Variants in RASL12 observed in about 807,000 individuals in gnomAD.
The protein encoded by RASL12 is ras-like protein family member 12.
Under a neutral mutation model 22.9 loss-of-function variants are expected in RASL12, and 16 were observed. The observed-to-expected ratio is 0.70, with a 90% CI of 0.47 to 1.06. The LOEUF is 1.06. RASL12 is among the 50% of genes least tolerant of loss of function. The pLI, the probability that RASL12 is intolerant of heterozygous loss-of-function variation, is 0.00. For missense variants in RASL12, 306 were observed against 353.1 expected (o/e 0.87, Z 1.07); for synonymous variants, 159 against 152.2 (o/e 1.04, Z -0.33).
intron 1 of RASL12, among the ~76,000 whole-genome samples, chr15:65,074,552 G>A (rs138522771): frequency 5.3e-5 from 8 of 152,098 alleles, no homozygotes; most frequent in African/African-American, 7.2e-5. Context: ...GTGCCACCAC[G>A]CCCGGCTAAT....
chr15:65,047,239 G>C, the RASL12 span, among the ~76,000 whole-genome samples: 1 of 151,754 alleles, frequency 6.6e-6, no homozygotes, highest in Non-Finnish European at 1.5e-5. Flanking sequence ...AGGAGGCTGA[G>C]GCAAGAGAAT....
the RASL12 span, among the ~76,000 whole-genome samples, chr15:65,047,814 TAGATA>T: frequency 6.6e-6 from 1 of 151,920 alleles, no homozygotes; most frequent in Admixed American, 6.6e-5. Flanking sequence ...GATAGATAGA[TAGATA>T]GATAGATAGA....
chr15:65,058,210 AGT>A (rs1303993434), intron 4 of RASL12, among the ~76,000 whole-genome samples: 1 of 152,198 alleles, frequency 6.6e-6, no homozygotes, highest in African/African-American at 2.4e-5. Context: ...TGGAGGTTGC[AGT>A]GAGCCGAGAT....
chr15:65,065,155 G>A (rs910391980), intron 2 of RASL12, 62 bp downstream of exon 2: 5 of 1,538,968 alleles, frequency 3.2e-6, no homozygotes, highest in East Asian at 4.5e-5. Context: ...CACGGGGTGG[G>A]TCCCAGGAGA....
At chr15:65,055,833 C>A (rs1324027976) in intron 4 of RASL12, among the ~76,000 whole-genome samples, 1 of 152,156 alleles carries the variant, frequency 6.6e-6, no homozygotes, top group Non-Finnish European at 1.5e-5. Flanking sequence ...ATTCATTATT[C>A]AAGCCCTCAC....
intron 1 of RASL12, among the ~76,000 whole-genome samples, chr15:65,066,643 T>TAG (rs1415108808): frequency 2.0e-5 from 3 of 152,248 alleles, no homozygotes; most frequent in African/African-American, 7.2e-5. Flanking sequence ...ATGTAGTCAC[T>TAG]GGCTAAACGG....
intron 4 of RASL12, among the ~76,000 whole-genome samples, chr15:65,058,002 T>C (rs1371005299): frequency 6.6e-6 from 1 of 152,162 alleles, no homozygotes. Flanking sequence ...TCGGGCACGG[T>C]GGCTCACGCC....
intron 1 of RASL12, among the ~76,000 whole-genome samples, chr15:65,066,066 T>A (rs1185005498): frequency 1.4e-3 from 152 of 111,448 alleles, no homozygotes; most frequent in African/African-American, 3.5e-3. Flanking sequence ...AAGAGAAGAG[T>A]AGAGAAGAGA....
chr15:65,058,583 C>T lies in RASL12; in HGVS notation c.269G>A (p.Trp90Ter). Residue 90 changes from tryptophan (W) to a stop codon, truncating the protein, a stop_gained, in exon 4 of 5, where the codon TGG (tryptophan) becomes TAG (stop). Coordinates refer to ENST00000220062, the MANE Select transcript of RASL12 (RefSeq NM_016563.4). LOFTEE classifies it high-confidence loss of function. ...GTACACCACCAGGAAGGCATGGGCC[C>T]AGTTCAGGTAGCGCTCGCAGTTCCT... ...TPRNCERYLN[W>*]AHAFLVVYSV... 4 of 1,592,492 alleles carry T rather than the reference C, an allele frequency of 2.5e-6. No individual in the cohort carries two copies. Among genetic ancestry groups the T allele is most frequent in the Non-Finnish European group, 3.4e-6 (4 of 1,165,290 alleles).
At chr15:65,057,472 G>C (rs950161472) in intron 4 of RASL12, among the ~76,000 whole-genome samples, 3 of 152,224 alleles carry the variant, frequency 2.0e-5, no homozygotes, top group Admixed American at 2.0e-4. Context: ...GGTGAGGCCT[G>C]GGGTCGGCTG....
upstream of RASL12, among the ~76,000 whole-genome samples, chr15:65,069,516 A>G (rs569351629): frequency 6.6e-6 from 1 of 152,244 alleles, no homozygotes; most frequent in Non-Finnish European, 1.5e-5. Context: ...GCCCAACTGC[A>G]TGTAAACTTA....
chr15:65,070,219 AT>A (rs1270917127), upstream of RASL12, among the ~76,000 whole-genome samples: 2 of 152,230 alleles, frequency 1.3e-5, no homozygotes, highest in Non-Finnish European at 2.9e-5. Flanking sequence ...AATAAGCTGT[AT>A]TTGTGCCACT....
intron 1 of RASL12, among the ~76,000 whole-genome samples, chr15:65,067,354 G>A (rs146225470): frequency 1.8e-4 from 28 of 152,116 alleles, no homozygotes; most frequent in Non-Finnish European, 3.1e-4. Flanking sequence ...TGGCCCCAGG[G>A]TAGGTCATAG....
rs1233751426 is a variant in RASL12 at position 65,067,853 on chromosome 15, C to G, written c.-18G>C. 3 of 1,485,488 alleles carry G rather than the reference C, an allele frequency of 2.0e-6. No individual in the cohort carries two copies. The highest frequency in any genetic ancestry group is 1.9e-4 in the Middle Eastern group (1 of 5,400). The allele number at this position is 1,485,488 out of a possible 1,614,324, so 92.0% of individuals were successfully genotyped here. A position where few individuals can be genotyped will look rare whatever the true frequency, so the allele number is the denominator to read the frequency against. ...GAGGACATGGCGACGCCCTGGACGG[C>G]CACGCAGGTCTGCGGCCGGTGGGCC... On this transcript the variant is annotated 5_prime_UTR_variant, in exon 1 of 5. Transcript: ENST00000220062.
chr15:65,070,774 C>T (rs561405695), upstream of RASL12, among the ~76,000 whole-genome samples: 23 of 152,300 alleles, frequency 1.5e-4, no homozygotes, highest in African/African-American at 5.5e-4. Context: ...GTTGCCTCTT[C>T]TGGAGGCACA....
chr15:65,047,663 G>C, the RASL12 span, among the ~76,000 whole-genome samples: 1 of 152,160 alleles, frequency 6.6e-6, no homozygotes, highest in Non-Finnish European at 1.5e-5. Context: ...ATCCTTCTTG[G>C]ACAGTGCTCT....
rs548472871 is a variant in RASL12 at position 65,067,087 on chromosome 15, C to A, written c.103+646G>T. ...GAAACGAACACATTTGATAAGAATG[C>A]ACAACTTGTCCCAGAATCCCAGGGA... On this transcript the variant is annotated intron_variant, in intron 1 of 4. Transcript: ENST00000220062. Among the ~76,000 whole-genome samples the A allele has an allele frequency of 2.6e-3, 393 of 152,166 alleles. 1 individual carries two copies. Among genetic ancestry groups the A allele is most frequent in the African/African-American group, 9.2e-3 (380 of 41,514 alleles).
intron 1 of RASL12, among the ~76,000 whole-genome samples, chr15:65,066,250 G>T (rs2086878338): frequency 1.3e-5 from 2 of 151,864 alleles, no homozygotes; most frequent in Non-Finnish European, 2.9e-5. Context: ...TAGAAAGAAA[G>T]AAAGAAAAAG....
chr15:65,050,833 C>CTTTTTTTTTTTTT (rs67418433), downstream of RASL12, among the ~76,000 whole-genome samples: 77 of 88,598 alleles, frequency 8.7e-4, no homozygotes, highest in African/African-American at 1.4e-3. Flanking sequence ...TCTTCTTCTT[C>CTTTTTTTTTTTTT]TTCTTTTTTT....
Sources: gnomAD v4.1 joint callset for allele counts (sites outside exome capture counted in the v4.1 genomes callset) on GRCh38, gnomAD v4.1.1 for gene constraint, MANE v1.5 for transcripts, NCBI Gene and HGNC (gene_info 2026-07-23, HGNC 2026-07-21) for gene names.